Variants in BPIFA2 observed in about 807,000 individuals in gnomAD.
BPIFA2 encodes the protein BPI fold-containing family A member 2.
BPIFA2 carries 20 observed loss-of-function variants against 25.7 expected under a neutral mutation model. That is an observed-to-expected ratio of 0.78 (90% CI 0.55 to 1.13). BPIFA2 has a LOEUF of 1.13. Among genes scored for constraint, BPIFA2 ranks in the 50% most tolerant of loss-of-function variants. The probability of loss-of-function intolerance (pLI) is 0.00; values close to 1 mark genes in which losing one functional copy is unlikely to be tolerated. For missense variants in BPIFA2, 300 were observed against 298.1 expected (o/e 1.01, Z -0.05); for synonymous variants, 126 against 124.3 (o/e 1.01, Z -0.09).
intron 5 of BPIFA2, among the ~76,000 whole-genome samples, chr20:33,177,897 C>G (rs763244085): frequency 7.9e-5 from 12 of 152,170 alleles, no homozygotes; most frequent in Non-Finnish European, 1.6e-4. Flanking sequence ...TCTGTAAATA[C>G]GGGTTGAATG....
chr20:33,167,905 C>T (rs1239923678), upstream of BPIFA2, among the ~76,000 whole-genome samples: 2 of 152,240 alleles, frequency 1.3e-5, no homozygotes, highest in Non-Finnish European at 1.5e-5. Flanking sequence ...GACCAAGGAC[C>T]ACCCCCTCGG....
chr20:33,174,819 G>A (rs914665291), intron 4 of BPIFA2, among the ~76,000 whole-genome samples: 2 of 152,214 alleles, frequency 1.3e-5, no homozygotes, highest in Non-Finnish European at 2.9e-5. Flanking sequence ...GCTGAGGCAA[G>A]AGGATTGCTT....
chr20:33,165,725 C>G (rs1177143923), upstream of BPIFA2, among the ~76,000 whole-genome samples: 1 of 152,210 alleles, frequency 6.6e-6, no homozygotes, highest in Non-Finnish European at 1.5e-5. Flanking sequence ...TAATGCCTCA[C>G]TGGGAATTTT....
chr20:33,174,465 TAAC>T (rs1244656273), intron 4 of BPIFA2, among the ~76,000 whole-genome samples: 2 of 152,252 alleles, frequency 1.3e-5, no homozygotes, highest in Admixed American at 6.5e-5. Context: ...AAAGTTGAGA[TAAC>T]AAACATTTAT....
chr20:33,178,618 T>G (rs1323806584), intron 6 of BPIFA2, among the ~76,000 whole-genome samples: 3 of 152,174 alleles, frequency 2.0e-5, no homozygotes, highest in African/African-American at 7.2e-5. Context: ...ACTTATAAAA[T>G]AGTTTTAATT....
Position 33,174,156 on chromosome 20 carries a change from T to G in BPIFA2, c.380T>G (p.Phe127Cys). Residue 127 changes from phenylalanine (F) to cysteine (C), a missense_variant, in exon 4 of 9, where the codon TTC (phenylalanine) becomes TGC (cysteine). Coordinates refer to ENST00000354932, the MANE Select transcript of BPIFA2 (RefSeq NM_080574.4). Reference sequence around the variant, plus strand: ...GATGGCAAAGGCCTTAACCTGAGCTTCCCTGTCACCGCGAATGTCACTGTG... The same window carrying G: ...GATGGCAAAGGCCTTAACCTGAGCTGCCCTGTCACCGCGAATGTCACTGTG... ...IDDGKGLNLS[F>C]PVTANVTVAG... 1 of 1,614,160 alleles carries G rather than the reference T, an allele frequency of 6.2e-7. No individual in the cohort carries two copies. Among genetic ancestry groups the G allele is most frequent in the Non-Finnish European group, 8.5e-7 (1 of 1,180,030 alleles).
At chr20:33,173,732 G>A (rs181194046) in intron 3 of BPIFA2, among the ~76,000 whole-genome samples, 27 of 152,256 alleles carry the variant, frequency 1.8e-4, no homozygotes, top group Admixed American at 1.4e-3. Flanking sequence ...TCGAACTCCC[G>A]ACCTCAGGAG....
upstream of BPIFA2, among the ~76,000 whole-genome samples, chr20:33,165,045 G>C (rs1444993338): frequency 6.6e-6 from 1 of 152,196 alleles, no homozygotes; most frequent in Non-Finnish European, 1.5e-5. Flanking sequence ...AAATACTTGA[G>C]CGCTGAAAGA....
At chr20:33,168,243 G>A (rs943024393) in intron 1 of BPIFA2, 34 bp downstream of exon 1, 3 of 152,426 alleles carry the variant, frequency 2.0e-5, no homozygotes, top group African/African-American at 2.4e-5. Flanking sequence ...GGCACCACAC[G>A]TGGTGGTCTT....
At chr20:33,172,082 T>G (rs567694707) in intron 2 of BPIFA2, among the ~76,000 whole-genome samples, 17 of 152,300 alleles carry the variant, frequency 1.1e-4, no homozygotes, top group African/African-American at 4.1e-4. Context: ...GATCATGTCC[T>G]CTGCAGGGAC....
At chr20:33,180,035 C>G (rs890104908) in intron 7 of BPIFA2, among the ~76,000 whole-genome samples, 1 of 151,782 alleles carries the variant, frequency 6.6e-6, no homozygotes, top group Admixed American at 6.6e-5. Flanking sequence ...CTGGGTGACA[C>G]GGTGAAACCC....
At chr20:33,179,503 A>T in intron 6 of BPIFA2, 101 bp from the exon 7 acceptor site, 1 of 897,158 alleles carries the variant, frequency 1.1e-6, no homozygotes, top group Admixed American at 1.7e-5. Context: ...CCTAGAAATG[A>T]GCTCATCTGT....
upstream of BPIFA2, among the ~76,000 whole-genome samples, chr20:33,166,467 C>T (rs552028547): frequency 2.2e-4 from 34 of 152,334 alleles, no homozygotes; most frequent in African/African-American, 7.7e-4. Context: ...CATCATGGGC[C>T]TACCCTATGC....
At chr20:33,171,485 C>G (rs1600598543) in intron 2 of BPIFA2, among the ~76,000 whole-genome samples, 1 of 152,190 alleles carries the variant, frequency 6.6e-6, no homozygotes, top group East Asian at 1.9e-4. Context: ...TGCAATCTAT[C>G]TATCTGACAA....
intron 2 of BPIFA2, among the ~76,000 whole-genome samples, chr20:33,170,076 C>A (rs1407033577): frequency 1.3e-5 from 2 of 152,172 alleles, no homozygotes; most frequent in Non-Finnish European, 2.9e-5. Context: ...AGGTAACTTT[C>A]AAAGATGCAG....
At chr20:33,177,093 AC>A (rs1984104775) in intron 5 of BPIFA2, among the ~76,000 whole-genome samples, 1 of 152,068 alleles carries the variant, frequency 6.6e-6, no homozygotes, top group East Asian at 1.9e-4. Context: ...ATGGCTCCAC[AC>A]CGGTAATCCC....
Position 33,180,538 on chromosome 20 carries a change from C to G in BPIFA2, c.728C>G (p.Thr243Ser). Reference sequence around the variant, plus strand: ...TCTTCAGATAATCCTCAGCACAAAACCCAGCTGCAAACCCTCATCTGAAGA... The same window carrying G: ...TCTTCAGATAATCCTCAGCACAAAAGCCAGCTGCAAACCCTCATCTGAAGA... ...QQVVDNPQHK[T>S]QLQTLI The change falls in exon 8 of 9, where the codon ACC becomes AGC. Residue 243 changes from threonine to serine, a missense_variant. Thr to Ser is a moderately conservative substitution (Grantham distance 58). Coordinates refer to ENST00000354932, the MANE Select transcript of BPIFA2 (RefSeq NM_080574.4). 1 of 1,613,690 alleles carries G rather than the reference C, an allele frequency of 6.2e-7. No individual in the cohort carries two copies. The highest frequency in any genetic ancestry group is 8.5e-7 in the Non-Finnish European group (1 of 1,179,582).
Position 33,179,477 on chromosome 20 carries a change from CAA to C in BPIFA2, c.646-125_646-124del, listed in dbSNP as rs1984197091. 29 of 751,032 alleles carry C rather than the reference CAA, an allele frequency of 3.9e-5. 1 individual carries two copies. In the South Asian group the frequency reaches 4.7e-4, roughly 12 times the overall value. 46.5% of individuals were successfully genotyped at this position (751,032 alleles called of 1,614,324 possible). On this transcript the variant is annotated intron_variant, in intron 6 of 8. Transcript: ENST00000354932. The stretch of plus-strand genomic sequence containing the variant: ...TAAAACAAAATAAAATCCTAAGGTT[CAA>C]AGATTCTAAGATCCCTAGAAATGAG...
upstream of BPIFA2, among the ~76,000 whole-genome samples, chr20:33,163,885 AGCTCT>A (rs1983648045): frequency 6.6e-6 from 1 of 152,136 alleles, no homozygotes; most frequent in Non-Finnish European, 1.5e-5. Flanking sequence ...TTCAAGCCCC[AGCTCT>A]GCCACTTACT....
Sources: gnomAD v4.1 joint callset for allele counts (sites outside exome capture counted in the v4.1 genomes callset) on GRCh38, gnomAD v4.1.1 for gene constraint, MANE v1.5 for transcripts, NCBI Gene and HGNC (gene_info 2026-07-23, HGNC 2026-07-21) for gene names.